INTS2: variants seen among roughly 807,000 people sequenced by gnomAD.
The protein encoded by INTS2 is KIAA1287.
A neutral mutation model predicts 139.6 loss-of-function variants in INTS2; 57 were observed. That is an observed-to-expected ratio of 0.41 (90% CI 0.33 to 0.51). The LOEUF is 0.51. INTS2 is among the 20% of genes least tolerant of loss of function. INTS2 has a pLI of 0.28. For missense variants in INTS2, 1,196 were observed against 1,436.7 expected (o/e 0.83, Z 2.71); for synonymous variants, 473 against 493.4 (o/e 0.96, Z 0.55).
intron 5 of INTS2, among the ~76,000 whole-genome samples, chr17:61,918,900 A>T (rs1279194959): frequency 6.9e-6 from 1 of 145,892 alleles, no homozygotes; most frequent in East Asian, 2.0e-4. Flanking sequence ...GATTATAGAT[A>T]TTACATCTTC....
At chr17:61,923,639 G>A (rs1255922852) in intron 3 of INTS2, among the ~76,000 whole-genome samples, 1 of 151,952 alleles carries the variant, frequency 6.6e-6, no homozygotes, top group Non-Finnish European at 1.5e-5. Flanking sequence ...AATTATAACA[G>A]TAAATAAACA....
At position 61,872,325 on chromosome 17, in the gene INTS2, T is replaced by C. The variant is rs887916087; in HGVS notation, c.2718A>G (p.Gly906=). The stretch of plus-strand genomic sequence containing the variant: ...TGGTAACTTCCGGAGCATCAGTTTG[T>C]CCAACTAAACCAATTGTATTATTCT... ...PSQNNTIGLV[G]QTDAPEVTRE... Residue 906 remains glycine, a synonymous_variant, in exon 20 of 25, where the codon GGA becomes GGG. Coordinates refer to ENST00000251334, the MANE Select transcript of INTS2 (RefSeq NM_001351695.2). The surrounding 1 kb of genome is among the most constrained non-coding windows in gnomAD (Gnocchi z 4.8). 9 of 1,613,308 alleles carry C rather than the reference T, an allele frequency of 5.6e-6. No individual in the cohort carries two copies. The highest frequency in any genetic ancestry group is 7.6e-6 in the Non-Finnish European group (9 of 1,179,436).
Position 61,867,784 on chromosome 17 carries a change from T to C in INTS2, c.3421+49A>G, listed in dbSNP as rs781218335. On this transcript the variant is annotated intron_variant, in intron 24 of 24. Coordinates refer to ENST00000251334, the MANE Select transcript of INTS2 (RefSeq NM_001351695.2). The surrounding 1 kb of genome is among the most constrained non-coding windows in gnomAD (Gnocchi z 5.6). Reference sequence around the variant, plus strand: ...AAGAAATTTGGAAAGGAATTTGGCCTTTTTGTTTGAGATATTAAGATAACC... The same window carrying C: ...AAGAAATTTGGAAAGGAATTTGGCCCTTTTGTTTGAGATATTAAGATAACC... 2 of 1,560,246 alleles carry C rather than the reference T, an allele frequency of 1.3e-6. No individual in the cohort carries two copies. The highest frequency in any genetic ancestry group is 1.4e-5 in the African/African-American group (1 of 72,404).
rs2145937555 is a variant in INTS2 at position 61,897,785 on chromosome 17, T to C, written c.1308-46A>G. 8.1e-7 allele frequency: 1 copy of C among 1,237,098 alleles called. No individual in the cohort carries two copies. The highest frequency in any genetic ancestry group is 1.2e-6 in the Non-Finnish European group (1 of 866,758). The allele number at this position is 1,237,098 out of a possible 1,614,324, so 76.6% of individuals were successfully genotyped here. A position where few individuals can be genotyped will look rare whatever the true frequency, so the allele number is the denominator to read the frequency against. On this transcript the variant is annotated intron_variant, in intron 9 of 24. Transcript: ENST00000251334. The surrounding 1 kb of genome is among the most constrained non-coding windows in gnomAD (Gnocchi z 4.4). ...TGTCACTGGTTTAAATTAGATATAC[T>C]AGCATATGAATAAAAAGCATTCTGA...
Position 61,897,291 on chromosome 17 carries a change from T to C in INTS2, c.1494+178A>G, listed in dbSNP as rs1239233275. On this transcript the variant is annotated intron_variant, in intron 11 of 24. Transcript: ENST00000251334. The surrounding 1 kb of genome is among the most constrained non-coding windows in gnomAD (Gnocchi z 4.4). ...TTCTGTGCTTTCCAAGGTTTTTGCATGAGTATCTATTATTTTAGTAAATAC... is the reference window on the plus strand; with the variant it reads ...TTCTGTGCTTTCCAAGGTTTTTGCACGAGTATCTATTATTTTAGTAAATAC... 6.6e-6 allele frequency among the ~76,000 whole-genome samples: 1 copy of C among 152,178 alleles called. No homozygotes were observed. The highest frequency in any genetic ancestry group is 1.5e-5 in the Non-Finnish European group (1 of 68,016).
Position 61,872,468 on chromosome 17 carries a change from A to T in INTS2, c.2583-8T>A. ...TCCATCAGTGGGGGGCATCTAAACA[A>T]GGAAAGCAGAAAAGAAAAATATATC... On this transcript the variant is annotated splice_polypyrimidine_tract_variant and splice_region_variant and intron_variant, in intron 19 of 24. Coordinates refer to ENST00000251334, the MANE Select transcript of INTS2 (RefSeq NM_001351695.2). The surrounding 1 kb of genome is among the most constrained non-coding windows in gnomAD (Gnocchi z 4.8). The T allele has an allele frequency of 6.5e-7, 1 of 1,532,766 alleles. No individual in the cohort carries two copies. The highest frequency in any genetic ancestry group is 8.9e-7 in the Non-Finnish European group (1 of 1,128,102). 94.9% of individuals were successfully genotyped at this position (1,532,766 alleles called of 1,614,324 possible).
Position 61,869,741 on chromosome 17 carries a change from A to C in INTS2, c.3026T>G (p.Phe1009Cys). 6.2e-7 allele frequency: 1 copy of C among 1,612,670 alleles called. No homozygotes were observed. Among genetic ancestry groups the C allele is most frequent in the Non-Finnish European group, 8.5e-7 (1 of 1,178,798 alleles). ...ADPNIAKLVH[F>C]QGYPCELLPL... Reference sequence around the variant, plus strand: ...CATCATTCTTTGGAAACAGACCTGAAAGTGAACAAGCTTAGCAATGTTGGG... The same window carrying C: ...CATCATTCTTTGGAAACAGACCTGACAGTGAACAAGCTTAGCAATGTTGGG... Residue 1009 changes from phenylalanine to cysteine, a missense_variant, in exon 21 of 25, where the codon TTT (phenylalanine) becomes TGT (cysteine). Physicochemically the swap from Phe to Cys is radical, Grantham distance 205. Coordinates refer to ENST00000251334, the MANE Select transcript of INTS2 (RefSeq NM_001351695.2). This position sits in a 1 kb window ranked among gnomAD's most constrained non-coding sequence, Gnocchi z 5.4.
intron 14 of INTS2, among the ~76,000 whole-genome samples, chr17:61,890,795 G>A (rs1455757893): frequency 6.6e-6 from 1 of 151,118 alleles, no homozygotes; most frequent in African/African-American, 2.4e-5. Context: ...CAGGCGCAGT[G>A]GCTCACACCT....
In INTS2 at chr17:61,869,760, T is replaced by C. The variant is rs1280355516; in HGVS notation, c.3007A>G (p.Ile1003Val). 4 of 1,613,788 alleles carry C rather than the reference T, an allele frequency of 2.5e-6. No homozygotes were observed. In the South Asian group the frequency reaches 4.4e-5, roughly 18 times the overall value. The stretch of plus-strand genomic sequence containing the variant: ...ACCTGAAAGTGAACAAGCTTAGCAA[T>C]GTTGGGATCTGCAATGTACATTTGG... ...LHQMYIADPNIAKLVHFQGYP... is the reference protein window; with the variant it reads ...LHQMYIADPNVAKLVHFQGYP... Residue 1003 changes from isoleucine (I) to valine (V), a missense_variant, in exon 21 of 25, where the codon ATT becomes GTT. Around this residue, in one of 3 missense-constraint regions of INTS2, gnomAD observed 1,129 missense variants for 1,341.9 expected, o/e 0.84. Transcript: ENST00000251334. This position sits in a 1 kb window ranked among gnomAD's most constrained non-coding sequence, Gnocchi z 5.4.
At chr17:61,912,166 C>A in intron 5 of INTS2, 96 bp from the exon 6 acceptor site, 1 of 1,336,676 alleles carries the variant, frequency 7.5e-7, no homozygotes, top group Non-Finnish European at 1.0e-6. Context: ...TTTGAAAGCA[C>A]AACAACAGAA....
chr17:61,887,638 T>C (rs1280003635), intron 15 of INTS2, among the ~76,000 whole-genome samples: 4 of 152,182 alleles, frequency 2.6e-5, no homozygotes, highest in Non-Finnish European at 5.9e-5. Context: ...CCAACATAAT[T>C]TTCATTTGTG....
At chr17:61,889,723 G>T in intron 15 of INTS2, 63 bp downstream of exon 15, 2 of 784,940 alleles carry the variant, frequency 2.5e-6, no homozygotes, top group Non-Finnish European at 4.2e-6. Context: ...AGTTTGGAAA[G>T]TAACAAAATA....
rs923311666 is a variant in INTS2, at chr17:61,927,698, G to A, written c.-63C>T. The A allele has an allele frequency of 1.3e-5, 19 of 1,441,826 alleles. No individual in the cohort carries two copies. The highest frequency in any genetic ancestry group is 2.4e-4 in the Middle Eastern group (1 of 4,146). The allele number at this position is 1,441,826 out of a possible 1,614,324, so 89.3% of individuals were successfully genotyped here. ...CCTCACGGAACCGCACACGGACTCC[G>A]CGTCCTAGAGGCGGGACGCGGCAGA... On this transcript the variant is annotated 5_prime_UTR_variant, in exon 1 of 25. Coordinates refer to ENST00000251334, the MANE Select transcript of INTS2 (RefSeq NM_001351695.2).
intron 7 of INTS2, among the ~76,000 whole-genome samples, chr17:61,907,931 GAT>G (rs1389339778): frequency 3.3e-5 from 5 of 152,198 alleles, no homozygotes; most frequent in African/African-American, 1.2e-4. Context: ...CTAACAAAGT[GAT>G]ATGTGGTATA....
intron 11 of INTS2, among the ~76,000 whole-genome samples, chr17:61,895,609 G>A (rs373796111): frequency 6.6e-6 from 1 of 152,086 alleles, no homozygotes; most frequent in African/African-American, 2.4e-5. Flanking sequence ...ATTTTCAGTC[G>A]GTTGGGGGAA....
chr17:61,879,816 G>C (rs369950981), intron 17 of INTS2, among the ~76,000 whole-genome samples: 1 of 151,978 alleles, frequency 6.6e-6, no homozygotes, highest in South Asian at 2.1e-4. Context: ...GTCCAGAGTA[G>C]GCAACAGAAC....
Position 61,927,842 on chromosome 17 carries a change from T to C in INTS2, c.-207A>G. The C allele has an allele frequency of 6.2e-7, 1 of 1,613,568 alleles. No individual in the cohort carries two copies. The highest frequency in any genetic ancestry group is 1.3e-5 in the African/African-American group (1 of 74,982). ...ACGCCGGGACCAACCGGGTTGTCGATACAAAGTGGGAAGGATGGGGGCACC... is the reference window on the plus strand; with the variant it reads ...ACGCCGGGACCAACCGGGTTGTCGACACAAAGTGGGAAGGATGGGGGCACC... On this transcript the variant is annotated 5_prime_UTR_variant, in exon 1 of 25. Coordinates refer to ENST00000251334, the MANE Select transcript of INTS2 (RefSeq NM_001351695.2).
chr17:61,911,141 C>T (rs972800808), intron 7 of INTS2: 12 of 246,908 alleles, frequency 4.9e-5, no homozygotes, highest in East Asian at 1.5e-4. Context: ...AAAGTACAGT[C>T]GCTATTCACA....
chr17:61,891,547 T>C lies in INTS2; in HGVS notation c.1841A>G (p.Gln614Arg). ...PEATNQPVTE[Q>R]EILNIFQGVI... ...TCCTTGGAAAATATTGAGTATCTCC[T>C]GTTCTGTGACTGGCTGATTTGTGGC... Residue 614 changes from glutamine (Q) to arginine (R), a missense_variant, in exon 14 of 25, where the codon CAG becomes CGG. Gln to Arg is a conservative substitution (Grantham distance 43). Around this residue, in one of 3 missense-constraint regions of INTS2, gnomAD observed 1,129 missense variants for 1,341.9 expected, o/e 0.84. Transcript: ENST00000251334. 1.9e-6 allele frequency: 3 copies of C among 1,613,840 alleles called. No homozygotes were observed. Among genetic ancestry groups the C allele is most frequent in the Non-Finnish European group, 2.5e-6 (3 of 1,179,782 alleles).
Sources: gnomAD v4.1 joint callset for allele counts (sites outside exome capture counted in the v4.1 genomes callset) on GRCh38, gnomAD v4.1.1 for gene constraint, gnomAD v4.1.1 regional missense constraint, Gnocchi (gnomAD v3.1) non-coding constraint, MANE v1.5 for transcripts, NCBI Gene and HGNC (gene_info 2026-07-23, HGNC 2026-07-21) for gene names.